The following CNTNAP2 variants were observed in gnomAD, a reference collection of about 807,000 sequenced individuals.
The protein encoded by CNTNAP2 is contactin-associated protein-like 2.
CNTNAP2 carries 98 observed loss-of-function variants against 155.2 expected under a neutral mutation model. The ratio of observed to expected loss-of-function variants is 0.63; its 90% CI spans 0.54 to 0.75. CNTNAP2 has a LOEUF of 0.75. Among genes scored for constraint, CNTNAP2 ranks in the 30% least tolerant of loss-of-function variants. The probability of loss-of-function intolerance (pLI) is 0.00; values close to 1 mark genes in which losing one functional copy is unlikely to be tolerated. For missense variants in CNTNAP2, 1,727 were observed against 1,688.1 expected, an observed-to-expected ratio of 1.02 and a Z score of -0.40; for synonymous variants, 651 against 631.2, an observed-to-expected ratio of 1.03 and a Z score of -0.47.
chr7:146,203,744 C>G (rs547375315), intron 1 of CNTNAP2, among the ~76,000 whole-genome samples: 3 of 152,050 alleles, frequency 2.0e-5, no homozygotes, highest in African/African-American at 7.2e-5. Context: ...CTGAAGCTAC[C>G]TAGGGACTGC....
rs549378003 is a variant in CNTNAP2, at chr7:147,569,880, G to A, written c.1897+7623G>A. Among the ~76,000 whole-genome samples, 5 of 152,336 alleles carry A rather than the reference G, an allele frequency of 3.3e-5. No homozygotes were observed. In the South Asian group the frequency reaches 6.2e-4, roughly 19 times the overall value. ...AGACCAAGGTGTCACCCAGGGCTTGGGTTTTACCAGAGACTTGGGATCTTC... is the reference window on the plus strand; with the variant it reads ...AGACCAAGGTGTCACCCAGGGCTTGAGTTTTACCAGAGACTTGGGATCTTC... On this transcript the variant is annotated intron_variant, in intron 12 of 23. Transcript: ENST00000361727.
intron 13 of CNTNAP2, among the ~76,000 whole-genome samples, chr7:147,772,447 T>TC (rs1491533278): frequency 1.4e-3 from 8 of 5,598 alleles, no homozygotes; most frequent in African/African-American, 7.4e-3. Flanking sequence ...TCTCTCTCGC[T>TC]ATATATATAT....
At chr7:146,709,508 T>A (rs1213557400) in intron 1 of CNTNAP2, among the ~76,000 whole-genome samples, 1 of 152,170 alleles carries the variant, frequency 6.6e-6, no homozygotes, top group Non-Finnish European at 1.5e-5. Context: ...TGACTCTCAG[T>A]CAAGCCTAAA....
intron 3 of CNTNAP2, among the ~76,000 whole-genome samples, chr7:146,862,070 G>A (rs1329914535): frequency 6.6e-6 from 1 of 152,100 alleles, no homozygotes; most frequent in Non-Finnish European, 1.5e-5. Flanking sequence ...GTGGATTGGG[G>A]AAAATGAAGG....
chr7:147,021,286 A>C (rs1340526754), intron 3 of CNTNAP2, among the ~76,000 whole-genome samples: 2 of 152,146 alleles, frequency 1.3e-5, no homozygotes. Flanking sequence ...GGGCCCAGGG[A>C]AGCCAAAAGA....
intron 1 of CNTNAP2, among the ~76,000 whole-genome samples, chr7:146,461,637 A>G (rs1228086600): frequency 1.3e-5 from 2 of 152,194 alleles, no homozygotes; most frequent in Non-Finnish European, 2.9e-5. Context: ...TCTGAATTCA[A>G]ATCTAGTGAG....
chr7:146,619,034 A>G (rs1799274747), intron 1 of CNTNAP2, among the ~76,000 whole-genome samples: 1 of 151,690 alleles, frequency 6.6e-6, no homozygotes, highest in Non-Finnish European at 1.5e-5. Flanking sequence ...AGATTGTGAC[A>G]TTGCACTCCA....
At chr7:146,570,151 C>T (rs1798418909) in intron 1 of CNTNAP2, among the ~76,000 whole-genome samples, 1 of 152,098 alleles carries the variant, frequency 6.6e-6, no homozygotes, top group Admixed American at 6.5e-5. Flanking sequence ...CTTATTACTA[C>T]AGAAAAAAAT....
At position 147,767,189 on chromosome 7, in the gene CNTNAP2, C is replaced by T. The variant is rs139128088; in HGVS notation, c.2098+127883C>T. Among the ~76,000 whole-genome samples the T allele has an allele frequency of 1.5e-3, 235 of 152,054 alleles. 6 individuals are homozygous for T. The East Asian group carries it at 0.028, about 18-fold the overall frequency. The stretch of plus-strand genomic sequence containing the variant: ...TTAAATTGTTTACATTTGTAAAGTA[C>T]AATATGTAAACAGAATTTTGAATAA... On this transcript the variant is annotated intron_variant, in intron 13 of 23. Transcript: ENST00000361727.
intron 4 of CNTNAP2, among the ~76,000 whole-genome samples, chr7:147,053,403 G>T (rs1799506525): frequency 6.6e-6 from 1 of 152,096 alleles, no homozygotes; most frequent in South Asian, 2.1e-4. Context: ...TTCAGTGAGA[G>T]AACATGGTGA....
chr7:146,746,411 A>G (rs955532196), intron 1 of CNTNAP2, among the ~76,000 whole-genome samples: 2 of 152,166 alleles, frequency 1.3e-5, no homozygotes, highest in Non-Finnish European at 2.9e-5. Context: ...TTTTTGTGGC[A>G]AACAAGATCA....
chr7:147,936,285 C>T (rs1800604735), intron 14 of CNTNAP2, among the ~76,000 whole-genome samples: 3 of 145,246 alleles, frequency 2.1e-5, no homozygotes, highest in African/African-American at 7.5e-5. Flanking sequence ...GTATACTGTA[C>T]ACGACATTTA....
At chr7:146,658,592 T>G (rs1162553055) in intron 1 of CNTNAP2, among the ~76,000 whole-genome samples, 1 of 152,160 alleles carries the variant, frequency 6.6e-6, no homozygotes, top group Non-Finnish European at 1.5e-5. Context: ...GAATTGATGC[T>G]TTATGAGGGA....
chr7:146,933,372 A>G (rs896702221), intron 3 of CNTNAP2, among the ~76,000 whole-genome samples: 1 of 151,396 alleles, frequency 6.6e-6, no homozygotes, highest in African/African-American at 2.4e-5. Flanking sequence ...TGCTGGGAAA[A>G]CTGGCTAGCC....
At chr7:147,522,127 C>T (rs961642915) in intron 11 of CNTNAP2, among the ~76,000 whole-genome samples, 1 of 152,184 alleles carries the variant, frequency 6.6e-6, no homozygotes, top group Non-Finnish European at 1.5e-5. Flanking sequence ...ATCTCTGAGG[C>T]CTCTTTTATG....
chr7:147,432,840 T>C lies in CNTNAP2; in HGVS notation c.1670+37060T>C, dbSNP rs567731402. On this transcript the variant is annotated intron_variant, in intron 10 of 23. Coordinates refer to ENST00000361727, the MANE Select transcript of CNTNAP2 (RefSeq NM_014141.6). ...GCCTTTCCTAAACCCCAAAGCCCTTTAGGTTTTCATGCACTCTTAGAGCTG... is the reference window on the plus strand; with the variant it reads ...GCCTTTCCTAAACCCCAAAGCCCTTCAGGTTTTCATGCACTCTTAGAGCTG... Among the ~76,000 whole-genome samples, 58 of 152,314 alleles carry C rather than the reference T, an allele frequency of 3.8e-4. 1 individual carries two copies. The highest frequency in any genetic ancestry group is 6.8e-4 in the Non-Finnish European group (46 of 68,030).
intron 10 of CNTNAP2, among the ~76,000 whole-genome samples, chr7:147,429,139 G>C (rs1298486543): frequency 6.7e-6 from 1 of 148,432 alleles, no homozygotes; most frequent in African/African-American, 2.6e-5. Context: ...AGTATTCCAT[G>C]GTGTGTGTTT....
chr7:148,018,070 C>G (rs1380024587), intron 15 of CNTNAP2, among the ~76,000 whole-genome samples: 1 of 152,220 alleles, frequency 6.6e-6, no homozygotes, highest in East Asian at 1.9e-4. Flanking sequence ...CAAGAACTCT[C>G]TCACACTATC....
chr7:147,458,118 T>A (rs990650768), intron 10 of CNTNAP2, among the ~76,000 whole-genome samples: 5 of 126,530 alleles, frequency 4.0e-5, no homozygotes, highest in Non-Finnish European at 1.7e-5. Context: ...ATTGTCTCTA[T>A]TGGTACTATC....
Sources: gnomAD v4.1 joint callset for allele counts (sites outside exome capture counted in the v4.1 genomes callset) on GRCh38, gnomAD v4.1.1 for gene constraint, MANE v1.5 for transcripts, NCBI Gene and HGNC (gene_info 2026-07-23, HGNC 2026-07-21) for gene names.